CDH13: variants seen among roughly 807,000 people sequenced by gnomAD.
The protein encoded by CDH13 is cadherin-13.
A neutral mutation model predicts 63.8 loss-of-function variants in CDH13; 24 were observed. That is an observed-to-expected ratio of 0.38 (90% CI 0.27 to 0.53). CDH13 has a LOEUF of 0.53. Ranked by LOEUF, CDH13 falls within the 20% of genes least tolerant of loss-of-function variation. The pLI is 0.85. For missense variants in CDH13, 1,049 were observed against 903.1 expected (o/e 1.16, Z -2.07); for synonymous variants, 503 against 355.3 (o/e 1.42, Z -4.67).
At chr16:83,058,042 A>G (rs1353819819) in intron 3 of CDH13, among the ~76,000 whole-genome samples, 16 of 152,376 alleles carry the variant, frequency 1.1e-4, no homozygotes, top group Admixed American at 9.2e-4. Context: ...TACTTTCAAA[A>G]GTAAGAATAT....
chr16:82,836,892 A>T (rs2038791298), intron 1 of CDH13, among the ~76,000 whole-genome samples: 1 of 152,218 alleles, frequency 6.6e-6, no homozygotes, highest in Admixed American at 6.5e-5. Flanking sequence ...GTCGGTGAAT[A>T]TGCAGTCCCT....
chr16:82,633,781 A>T (rs569517046), intron 1 of CDH13, among the ~76,000 whole-genome samples: 1 of 152,214 alleles, frequency 6.6e-6, no homozygotes, highest in East Asian at 1.9e-4. Flanking sequence ...GCCGTTCTAC[A>T]TACAGTGTTA....
chr16:82,928,362 T>G (rs1387150672), intron 2 of CDH13, among the ~76,000 whole-genome samples: 3 of 152,220 alleles, frequency 2.0e-5, no homozygotes, highest in Non-Finnish European at 4.4e-5. Context: ...ACCCATTGCA[T>G]GTGGCATTGA....
intron 10 of CDH13, chr16:83,721,193 C>G (rs778295281): frequency 1.5e-4 from 23 of 152,212 alleles, no homozygotes; most frequent in Non-Finnish European, 2.6e-4. Flanking sequence ...CCACCAGTAG[C>G]CATCCAGAAC....
intron 4 of CDH13, among the ~76,000 whole-genome samples, chr16:83,179,007 C>T (rs1194956917): frequency 6.6e-6 from 1 of 152,158 alleles, no homozygotes; most frequent in Non-Finnish European, 1.5e-5. Flanking sequence ...TATATTTTTA[C>T]ACAACTATTT....
At chr16:83,435,450 G>A (rs1255156115) in intron 6 of CDH13, among the ~76,000 whole-genome samples, 1 of 152,130 alleles carries the variant, frequency 6.6e-6, no homozygotes. Context: ...TTGCCCCAAA[G>A]CAACATCTAA....
chr16:82,832,957 A>G (rs1183499851), intron 1 of CDH13, among the ~76,000 whole-genome samples: 1 of 152,338 alleles, frequency 6.6e-6, no homozygotes, highest in Non-Finnish European at 1.5e-5. Context: ...TCCAGCCTAC[A>G]TCATAGAACT....
At chr16:83,592,892 C>T (rs1360683920) in intron 7 of CDH13, among the ~76,000 whole-genome samples, 1 of 152,204 alleles carries the variant, frequency 6.6e-6, no homozygotes, top group Non-Finnish European at 1.5e-5. Context: ...AAACCAGGCT[C>T]ACCCTGCTGC....
intron 1 of CDH13, among the ~76,000 whole-genome samples, chr16:82,671,924 C>G (rs1177670412): frequency 1.3e-5 from 2 of 152,160 alleles, no homozygotes; most frequent in African/African-American, 2.4e-5. Context: ...TTCTCTGTGT[C>G]TCACTACAGA....
At chr16:83,560,387 T>C (rs896122704) in intron 7 of CDH13, among the ~76,000 whole-genome samples, 1 of 152,162 alleles carries the variant, frequency 6.6e-6, no homozygotes, top group Non-Finnish European at 1.5e-5. Flanking sequence ...TGGATGAACC[T>C]GGAGGATGTT....
chr16:83,214,253 C>G, intron 4 of CDH13, among the ~76,000 whole-genome samples: 1 of 151,978 alleles, frequency 6.6e-6, no homozygotes. Context: ...CAGAGCACTT[C>G]TCTTCTGGGA....
chr16:83,303,159 G>A (rs1034945863), intron 5 of CDH13, among the ~76,000 whole-genome samples: 2 of 152,196 alleles, frequency 1.3e-5, no homozygotes, highest in African/African-American at 4.8e-5. Context: ...TTTTCAGCAT[G>A]GGCCAGTGTT....
intron 1 of CDH13, among the ~76,000 whole-genome samples, chr16:82,771,206 T>C (rs2035249150): frequency 6.6e-6 from 1 of 152,216 alleles, no homozygotes; most frequent in African/African-American, 2.4e-5. Context: ...TTCCTTTGTG[T>C]TCATTCACTG....
intron 10 of CDH13, among the ~76,000 whole-genome samples, chr16:83,711,401 T>C (rs971681753): frequency 1.2e-4 from 19 of 152,204 alleles, no homozygotes; most frequent in African/African-American, 4.3e-4. Context: ...GGCTTTATCT[T>C]AGTGTAATCA....
At chr16:83,706,934 T>G (rs112298118) in intron 10 of CDH13, among the ~76,000 whole-genome samples, 1 of 20,794 alleles carries the variant, frequency 4.8e-5, no homozygotes, top group African/African-American at 2.7e-4. Context: ...CGGACTCACT[T>G]CATCCCTTCA....
chr16:83,519,159 T>G (rs1169654612), intron 7 of CDH13, among the ~76,000 whole-genome samples: 1 of 152,122 alleles, frequency 6.6e-6, no homozygotes, highest in Non-Finnish European at 1.5e-5. Context: ...TTTGAGGAAT[T>G]TTAGTTAGGT....
intron 6 of CDH13, among the ~76,000 whole-genome samples, chr16:83,404,916 T>G (rs2092019678): frequency 6.6e-6 from 1 of 152,196 alleles, no homozygotes; most frequent in Non-Finnish European, 1.5e-5. Context: ...ACCATAATCC[T>G]CAAAAACATT....
Position 82,961,288 on chromosome 16 carries a change from A to G in CDH13, c.158-70722A>G, listed in dbSNP as rs557568383. Among the ~76,000 whole-genome samples the G allele has an allele frequency of 2.0e-5, 3 of 152,248 alleles. No homozygotes were observed. In the South Asian group the frequency reaches 6.2e-4, roughly 32 times the overall value. On this transcript the variant is annotated intron_variant, in intron 2 of 13. Transcript: ENST00000567109. ...GGCCTTTGGCTTACAGCCGCCCGTC[A>G]TTTTCCCAGGTGCCCACCTCAGAGG...
chr16:83,242,327 G>A (rs547429143), intron 5 of CDH13, among the ~76,000 whole-genome samples: 1 of 152,288 alleles, frequency 6.6e-6, no homozygotes, highest in African/African-American at 2.4e-5. Context: ...CATTTACTGA[G>A]GTGGCAATGA....
Sources: gnomAD v4.1 joint callset for allele counts (sites outside exome capture counted in the v4.1 genomes callset) on GRCh38, gnomAD v4.1.1 for gene constraint, MANE v1.5 for transcripts, NCBI Gene and HGNC (gene_info 2026-07-23, HGNC 2026-07-21) for gene names.